The following UTS2 variants were observed in gnomAD, a reference collection of about 807,000 sequenced individuals.
UTS2 encodes the protein urotensin-2.
UTS2 carries 10 observed loss-of-function variants against 12.6 expected under a neutral mutation model. That is an observed-to-expected ratio of 0.80 (90% CI 0.49 to 1.35). UTS2 has a LOEUF of 1.35. UTS2 is among the 40% of genes most tolerant of loss of function. UTS2 has a pLI of 0.00. For missense variants in UTS2, 142 were observed against 143.2 expected, an observed-to-expected ratio of 0.99 and a Z score of 0.04; for synonymous variants, 52 against 50.0, an observed-to-expected ratio of 1.04 and a Z score of -0.17.
chr1:7,849,127 C>G (rs1261451034), intron 3 of UTS2, among the ~76,000 whole-genome samples: 1 of 152,178 alleles, frequency 6.6e-6, no homozygotes, highest in Non-Finnish European at 1.5e-5. Context: ...TTACCCAAAA[C>G]AGGCACTGGG....
chr1:7,861,974 A>G, the UTS2 span, among the ~76,000 whole-genome samples: 1 of 150,134 alleles, frequency 6.7e-6, no homozygotes, highest in Admixed American at 6.7e-5. Context: ...GTGCAGTGGC[A>G]CAATCTCGGC....
upstream of UTS2, chr1:7,853,328 G>A: frequency 6.2e-7 from 1 of 1,614,124 alleles, no homozygotes; most frequent in Non-Finnish European, 8.5e-7. Context: ...ATGAATTAAA[G>A]GAAGGCTTGG....
chr1:7,864,884 C>T, the UTS2 span, among the ~76,000 whole-genome samples: 2 of 151,876 alleles, frequency 1.3e-5, no homozygotes, highest in African/African-American at 4.8e-5. Flanking sequence ...GCCCCGATAC[C>T]GTCTTCCCCA....
At chr1:7,853,241 A>G (rs1460782808), upstream of UTS2, 2 of 1,597,944 alleles carry the variant, frequency 1.3e-6, no homozygotes, top group African/African-American at 1.4e-5. Context: ...CTTGTTGCCT[A>G]GTGTACAAAG....
chr1:7,852,810 G>A lies in UTS2; in HGVS notation c.103+91C>T, dbSNP rs13306062. The A allele has an allele frequency of 1.3e-3, 1,808 of 1,412,068 alleles. 34 individuals are homozygous for A. The East Asian group carries it at 0.038, about 30-fold the overall frequency. 87.5% of individuals were successfully genotyped at this position (1,412,068 alleles called of 1,614,324 possible). A position where few individuals can be genotyped will look rare whatever the true frequency, so the allele number is the denominator to read the frequency against. ...AGAGAACAAGACTCCAGACTCCTTC[G>A]AGCAGGAATCCCATTCTTATCTCTA... On this transcript the variant is annotated intron_variant, in intron 1 of 3. Transcript: ENST00000361696.
the UTS2 span, among the ~76,000 whole-genome samples, chr1:7,863,006 T>C: frequency 9.9e-5 from 2 of 20,286 alleles, no homozygotes; most frequent in East Asian, 2.0e-3. Flanking sequence ...TTGTATTGTA[T>C]TGTATTGTAT....
the UTS2 span, among the ~76,000 whole-genome samples, chr1:7,907,102 A>G: frequency 4.3e-4 from 65 of 152,008 alleles, 1 homozygote; most frequent in African/African-American, 1.4e-3. Flanking sequence ...AAAAATACAA[A>G]AAAATTAGCC....
chr1:7,869,478 G>A, the UTS2 span, among the ~76,000 whole-genome samples: 3 of 152,232 alleles, frequency 2.0e-5, no homozygotes, highest in African/African-American at 7.2e-5. Context: ...CTATTCCACA[G>A]GCCGAGGTTT....
chr1:7,853,563 C>T (rs901504623), upstream of UTS2: 19 of 1,272,802 alleles, frequency 1.5e-5, no homozygotes, highest in Admixed American at 3.9e-4. Flanking sequence ...AGTTAAAATA[C>T]ATAGCAAACA....
the UTS2 span, among the ~76,000 whole-genome samples, chr1:7,897,084 T>G: frequency 6.6e-6 from 1 of 152,240 alleles, no homozygotes; most frequent in South Asian, 2.1e-4. Flanking sequence ...GTTTCTACAT[T>G]TTCTTTGTCT....
chr1:7,863,402 C>T, the UTS2 span, among the ~76,000 whole-genome samples: 25 of 152,304 alleles, frequency 1.6e-4, no homozygotes, highest in Admixed American at 1.3e-3. Flanking sequence ...TGAGCCACCA[C>T]GCCTGGCCGA....
the UTS2 span, among the ~76,000 whole-genome samples, chr1:7,866,192 C>T: frequency 3.9e-5 from 6 of 152,240 alleles, no homozygotes; most frequent in African/African-American, 7.2e-5. This position sits in a 1 kb window ranked among gnomAD's most constrained non-coding sequence, Gnocchi z 4.5. Context: ...CGGGGTCGCT[C>T]GTGTGGCCCC....
chr1:7,867,744 T>C, the UTS2 span, among the ~76,000 whole-genome samples: 1 of 151,892 alleles, frequency 6.6e-6, no homozygotes, highest in South Asian at 2.1e-4. Flanking sequence ...GGTGTGGTGG[T>C]GGGTGCCTGT....
At chr1:7,889,045 A>G in the UTS2 span, among the ~76,000 whole-genome samples, 7 of 151,836 alleles carry the variant, frequency 4.6e-5, no homozygotes, top group African/African-American at 1.7e-4. Context: ...AACGCTCAAC[A>G]TATATTAGCT....
chr1:7,868,103 C>T, the UTS2 span, among the ~76,000 whole-genome samples: 6 of 142,982 alleles, frequency 4.2e-5, no homozygotes, highest in Admixed American at 7.3e-5. Context: ...ATCCTGAACA[C>T]GAATGCACAG....
At chr1:7,867,341 G>A in the UTS2 span, among the ~76,000 whole-genome samples, 6 of 152,166 alleles carry the variant, frequency 3.9e-5, no homozygotes, top group Admixed American at 1.3e-4. Flanking sequence ...GAATGTGACT[G>A]TATTTGGAGA....
At chr1:7,860,934 C>T in the UTS2 span, among the ~76,000 whole-genome samples, 5 of 150,446 alleles carry the variant, frequency 3.3e-5, no homozygotes, top group Non-Finnish European at 5.9e-5. Context: ...TCCAGCTACT[C>T]GGGAGGCTGA....
the UTS2 span, among the ~76,000 whole-genome samples, chr1:7,893,942 T>C: frequency 6.6e-6 from 1 of 152,044 alleles, no homozygotes; most frequent in African/African-American, 2.4e-5. Flanking sequence ...AACCGTAGAG[T>C]GAGTCAGAGG....
chr1:7,874,762 G>A, the UTS2 span, among the ~76,000 whole-genome samples: 2 of 152,220 alleles, frequency 1.3e-5, no homozygotes, highest in African/African-American at 4.8e-5. Flanking sequence ...TAATCCCCAC[G>A]TGTCAGGGGA....
Sources: allele counts gnomAD v4.1 joint callset (sites outside exome capture counted in the v4.1 genomes callset), GRCh38; gene constraint gnomAD v4.1.1; non-coding constraint Gnocchi (gnomAD v3.1); transcripts MANE v1.5; gene names NCBI Gene and HGNC (gene_info 2026-07-23, HGNC 2026-07-21).